The following DLGAP2 variants were observed in gnomAD, a reference collection of about 807,000 sequenced individuals.
The protein encoded by DLGAP2 is disks large-associated protein 2.
A neutral mutation model predicts 100.3 loss-of-function variants in DLGAP2; 26 were observed. That is an observed-to-expected ratio of 0.26 (90% CI 0.19 to 0.36). The LOEUF is 0.36. Ranked by LOEUF, DLGAP2 falls within the 10% of genes least tolerant of loss-of-function variation. The pLI, the probability that DLGAP2 is intolerant of heterozygous loss-of-function variation, is 1.00. For missense variants in DLGAP2, 1,858 were observed against 1,453.2 expected (o/e 1.28, Z -4.53); for synonymous variants, 886 against 630.1 (o/e 1.41, Z -6.08).
Position 1,258,855 on chromosome 8 carries a change from G to T in DLGAP2, c.78G>T (p.Ser26=). The change falls in exon 3 of 15, where the codon TCG becomes TCT. Residue 26 remains serine, a synonymous_variant. Coordinates refer to ENST00000637795, the MANE Select transcript of DLGAP2 (RefSeq NM_001346810.2). ...TCTCTCTGTCTCTGTTTTCAGAGTCGCAGTGCACGCTCTGCGGGGAGCCGG... is the reference window on the plus strand; with the variant it reads ...TCTCTCTGTCTCTGTTTTCAGAGTCTCAGTGCACGCTCTGCGGGGAGCCGG... ...CCILPDRNTE[S]QCTLCGEPEE... is the part of the protein sequence containing the mutation. The T allele has an allele frequency of 2.4e-6, 3 of 1,231,706 alleles. No individual in the cohort carries two copies. Among genetic ancestry groups the T allele is most frequent in the African/African-American group, 3.1e-5 (2 of 64,538 alleles). 76.3% of individuals were successfully genotyped at this position (1,231,706 alleles called of 1,614,324 possible).
chr8:1,070,362 G>T (rs796214429), intron 2 of DLGAP2, among the ~76,000 whole-genome samples: 13 of 152,310 alleles, frequency 8.5e-5, no homozygotes, highest in African/African-American at 3.1e-4. Context: ...ACATGGGCTC[G>T]TCCTGCCATG....
chr8:891,041 G>T (rs971914513), intron 1 of DLGAP2, among the ~76,000 whole-genome samples: 4 of 152,016 alleles, frequency 2.6e-5, no homozygotes, highest in African/African-American at 9.7e-5. Context: ...ATCCCTTCAT[G>T]GTGGGCAGGG....
At chr8:1,235,540 C>G (rs1389342682) in intron 2 of DLGAP2, among the ~76,000 whole-genome samples, 1 of 25,390 alleles carries the variant, frequency 3.9e-5, no homozygotes, top group Non-Finnish European at 1.2e-4. Flanking sequence ...ATGTCTAGTT[C>G]TCTCACATGG....
chr8:1,317,759 C>T lies in DLGAP2; in HGVS notation c.106+58876C>T, dbSNP rs552564280. On this transcript the variant is annotated intron_variant, in intron 3 of 14. Transcript: ENST00000637795. Reference sequence around the variant, plus strand: ...AGCGTGTGTGAGTGCAGCGTCTCTCCAACAGTGGTCTACACTCGAGACACT... The same window carrying T: ...AGCGTGTGTGAGTGCAGCGTCTCTCTAACAGTGGTCTACACTCGAGACACT... 3.0e-5 allele frequency among the ~76,000 whole-genome samples: 3 copies of T among 99,920 alleles called. 1 individual carries two copies. Among genetic ancestry groups the T allele is most frequent in the Non-Finnish European group, 3.9e-5 (2 of 50,904 alleles). The allele number at this position is 99,920 out of a possible 152,430, so 65.6% of individuals were successfully genotyped here.
chr8:1,247,089 G>A (rs1476807456), intron 2 of DLGAP2: 36 of 206,282 alleles, frequency 1.7e-4, no homozygotes, highest in Non-Finnish European at 2.9e-4. Context: ...GGTCCACGTC[G>A]GTGGCCGGCA....
intron 1 of DLGAP2, among the ~76,000 whole-genome samples, chr8:893,976 C>T (rs1339031962): frequency 6.6e-6 from 1 of 152,240 alleles, no homozygotes; most frequent in Non-Finnish European, 1.5e-5. Flanking sequence ...TGGCTGTCGG[C>T]CCGAGGCTTC....
At chr8:1,446,989 T>A (rs1798000061) in intron 3 of DLGAP2, among the ~76,000 whole-genome samples, 1 of 152,202 alleles carries the variant, frequency 6.6e-6, no homozygotes. Context: ...AAGGAGATTT[T>A]GGGCTGAGAC....
intron 2 of DLGAP2, among the ~76,000 whole-genome samples, chr8:979,324 G>C (rs76329297): frequency 6.6e-6 from 1 of 152,160 alleles, no homozygotes; most frequent in Non-Finnish European, 1.5e-5. Context: ...TAAGACTGAT[G>C]GGAATCTCAG....
intron 2 of DLGAP2, among the ~76,000 whole-genome samples, chr8:913,767 A>G (rs1362214776): frequency 2.0e-5 from 3 of 152,266 alleles, no homozygotes; most frequent in African/African-American, 7.2e-5. Context: ...GCGCTAAGTC[A>G]GTATGTGATA....
At chr8:1,389,388 G>C (rs1338284089) in intron 3 of DLGAP2, among the ~76,000 whole-genome samples, 1 of 152,034 alleles carries the variant, frequency 6.6e-6, no homozygotes, top group Non-Finnish European at 1.5e-5. Context: ...GCAGAGAGGA[G>C]AGGTCAGAGA....
chr8:1,388,941 T>C (rs1260396117), intron 3 of DLGAP2, among the ~76,000 whole-genome samples: 1 of 127,180 alleles, frequency 7.9e-6, no homozygotes, highest in Non-Finnish European at 1.6e-5. Context: ...CTGGTTCAAG[T>C]GTCAGGGCTG....
chr8:942,102 G>A (rs536738569), intron 2 of DLGAP2, among the ~76,000 whole-genome samples: 1 of 152,306 alleles, frequency 6.6e-6, no homozygotes, highest in African/African-American at 2.4e-5. Context: ...GACCACAGGT[G>A]CATGCCACTA....
intron 1 of DLGAP2, among the ~76,000 whole-genome samples, chr8:766,509 A>G (rs1344378592): frequency 6.6e-6 from 1 of 152,218 alleles, no homozygotes; most frequent in Non-Finnish European, 1.5e-5. Flanking sequence ...TGTGATATAG[A>G]TGAATTACAG....
chr8:1,133,400 A>T (rs536066260), intron 2 of DLGAP2, among the ~76,000 whole-genome samples: 2 of 152,318 alleles, frequency 1.3e-5, no homozygotes, highest in East Asian at 1.9e-4. Flanking sequence ...TATATTGATC[A>T]TTAATAGGAG....
At chr8:1,306,074 C>CAAAAAAAAAAAAAAAAAA (rs61647224) in intron 3 of DLGAP2, among the ~76,000 whole-genome samples, 9 of 116,444 alleles carry the variant, frequency 7.7e-5, no homozygotes, top group Non-Finnish European at 1.4e-4. Flanking sequence ...AGAAATTAGG[C>CAAAAAAAAAAAAAAAAAA]AAAAAAAAAA....
At chr8:748,357 C>G (rs890885572) in intron 1 of DLGAP2, among the ~76,000 whole-genome samples, 1 of 151,976 alleles carries the variant, frequency 6.6e-6, no homozygotes, top group Admixed American at 6.5e-5. Flanking sequence ...CTCTGTCTCG[C>G]TCCTCCAAGA....
At position 1,705,420 on chromosome 8, in the gene DLGAP2, C is replaced by T. The variant is rs1371692585; in HGVS notation, c.*4014C>T. On this transcript the variant is annotated 3_prime_UTR_variant, in exon 15 of 15. Coordinates refer to ENST00000637795, the MANE Select transcript of DLGAP2 (RefSeq NM_001346810.2). ...GCCCCCGTGCCGTGGCTGAGTCAGC[C>T]TGGGTACCCCAGTCACCAGCAGGGC... is the stretch of plus-strand genomic sequence containing the variant. The T allele has an allele frequency of 2.6e-5, 4 of 152,296 alleles. No individual in the cohort carries two copies. Among genetic ancestry groups the T allele is most frequent in the African/African-American group, 9.6e-5 (4 of 41,466 alleles). The allele number at this position is 152,296 out of a possible 1,614,324, so 9.4% of individuals were successfully genotyped here.
intron 2 of DLGAP2, among the ~76,000 whole-genome samples, chr8:1,151,395 A>C (rs926616557): frequency 6.6e-6 from 1 of 152,210 alleles, no homozygotes; most frequent in Non-Finnish European, 1.5e-5. Flanking sequence ...ACAAAGGGTA[A>C]CACGATGCAG....
intron 2 of DLGAP2, among the ~76,000 whole-genome samples, chr8:1,083,297 T>G (rs1400691097): frequency 6.6e-6 from 1 of 152,210 alleles, no homozygotes; most frequent in Non-Finnish European, 1.5e-5. Context: ...GCGTGGGACA[T>G]GAGCTTTGCT....
Sources: gnomAD v4.1 joint callset for allele counts (sites outside exome capture counted in the v4.1 genomes callset) on GRCh38, gnomAD v4.1.1 for gene constraint, MANE v1.5 for transcripts, NCBI Gene and HGNC (gene_info 2026-07-23, HGNC 2026-07-21) for gene names.